AUH: variants seen among roughly 807,000 people sequenced by gnomAD.
AUH encodes AU RNA binding methylglutaconyl-CoA hydratase, also known as methylglutaconyl-CoA hydratase, mitochondrial.
AUH carries 29 observed loss-of-function variants against 42.3 expected under a neutral mutation model. The ratio of observed to expected loss-of-function variants is 0.69; its 90% CI spans 0.51 to 0.93. The LOEUF (loss-of-function observed/expected upper bound fraction) is 0.93, where lower values mean the gene tolerates loss of function less well. AUH is among the 40% of genes least tolerant of loss of function. The pLI, the probability that AUH is intolerant of heterozygous loss-of-function variation, is 0.00. For missense variants in AUH, 452 were observed against 438.1 expected (o/e 1.03, Z -0.28); for synonymous variants, 174 against 166.4 (o/e 1.05, Z -0.35).
At chr9:91,331,867 CAT>C (rs1279705850) in intron 3 of AUH, among the ~76,000 whole-genome samples, 3 of 152,320 alleles carry the variant, frequency 2.0e-5, no homozygotes, top group African/African-American at 7.2e-5. Context: ...CCCCACTAAC[CAT>C]ATGTCAATAA....
chr9:91,334,420 C>G lies in AUH; in HGVS notation c.419-9016G>C, dbSNP rs979656733. Among the ~76,000 whole-genome samples, 19 of 151,972 alleles carry G rather than the reference C, an allele frequency of 1.3e-4. No individual in the cohort carries two copies. The East Asian group carries it at 3.7e-3, about 29-fold the overall frequency. On this transcript the variant is annotated intron_variant, in intron 3 of 9. Transcript: ENST00000375731. ...AAAGGTGAAGGAGGAAGGAACTGGC[C>G]TCTATTTTCCGCCCCACTGCTAGAG...
At chr9:91,349,369 G>C (rs185224743) in intron 3 of AUH, among the ~76,000 whole-genome samples, 2 of 152,028 alleles carry the variant, frequency 1.3e-5, no homozygotes, top group Admixed American at 6.5e-5. Context: ...ATATATCTTA[G>C]GAAATTTCAA....
At chr9:91,252,731 A>G (rs1043084583) in intron 6 of AUH, among the ~76,000 whole-genome samples, 1 of 152,248 alleles carries the variant, frequency 6.6e-6, no homozygotes, top group Non-Finnish European at 1.5e-5. Flanking sequence ...GATATAATAC[A>G]TATTTTGACT....
intron 1 of AUH, among the ~76,000 whole-genome samples, chr9:91,359,693 C>T (rs182252602): frequency 1.5e-4 from 23 of 152,278 alleles, no homozygotes; most frequent in Non-Finnish European, 2.2e-4. Flanking sequence ...CTTACCCCCA[C>T]CCACCTAAAG....
chr9:91,255,736 A>G (rs1829372551), intron 6 of AUH, among the ~76,000 whole-genome samples: 3 of 152,198 alleles, frequency 2.0e-5, no homozygotes, highest in Admixed American at 1.3e-4. Flanking sequence ...ACAAGTTAGT[A>G]GTCATAAAAT....
rs16907384 is a variant in AUH, at chr9:91,325,511, T to C, written c.419-107A>G. 78,291 of 888,372 alleles carry C rather than the reference T, an allele frequency of 0.088. 4,850 individuals carry two copies. Among genetic ancestry groups the C allele is most frequent in the East Asian group, 0.25 (9,501 of 38,762 alleles). The allele number at this position is 888,372 out of a possible 1,614,324, so 55.0% of individuals were successfully genotyped here. A position where few individuals can be genotyped will look rare whatever the true frequency, so the allele number is the denominator to read the frequency against. Reference sequence around the variant, plus strand: ...GTATACAACTTCAAGATCAGCCTAATTCATCTTTTAATAGAATGACATTAC... The same window carrying C: ...GTATACAACTTCAAGATCAGCCTAACTCATCTTTTAATAGAATGACATTAC... On this transcript the variant is annotated intron_variant, in intron 3 of 9. Coordinates refer to ENST00000375731, the MANE Select transcript of AUH (RefSeq NM_001698.3).
intron 3 of AUH, among the ~76,000 whole-genome samples, chr9:91,345,666 T>C (rs1327764236): frequency 1.3e-5 from 2 of 151,670 alleles, no homozygotes; most frequent in Non-Finnish European, 2.9e-5. Context: ...ACCCCGTCTC[T>C]ACTAAAAATA....
chr9:91,357,911 T>C (rs1052969022), intron 1 of AUH, among the ~76,000 whole-genome samples: 21 of 152,288 alleles, frequency 1.4e-4, no homozygotes, highest in African/African-American at 4.6e-4. Flanking sequence ...CTAATAACCA[T>C]TGAAGGAGTT....
intron 7 of AUH, among the ~76,000 whole-genome samples, 197 bp from the exon 8 acceptor site, chr9:91,217,524 T>C (rs1826893929): frequency 6.6e-6 from 1 of 152,106 alleles, no homozygotes; most frequent in Admixed American, 6.5e-5. Flanking sequence ...CAGCACATTA[T>C]TTAGATTCCA....
At chr9:91,276,709 A>G in intron 6 of AUH, among the ~76,000 whole-genome samples, 1 of 152,206 alleles carries the variant, frequency 6.6e-6, no homozygotes, top group East Asian at 1.9e-4. Flanking sequence ...AAAAACATAA[A>G]CACTGAACTT....
At chr9:91,318,554 G>A (rs1450410608) in intron 4 of AUH, among the ~76,000 whole-genome samples, 1 of 152,044 alleles carries the variant, frequency 6.6e-6, no homozygotes, top group Non-Finnish European at 1.5e-5. Flanking sequence ...AAGCTTCAGG[G>A]GCCAAATCCT....
intron 3 of AUH, among the ~76,000 whole-genome samples, chr9:91,347,201 T>C (rs1203054844): frequency 1.5e-5 from 2 of 130,758 alleles, no homozygotes; most frequent in African/African-American, 5.4e-5. Context: ...CCACACCCAG[T>C]TAAGAGGGTT....
intron 6 of AUH, among the ~76,000 whole-genome samples, chr9:91,287,028 T>C (rs918590616): frequency 2.6e-5 from 4 of 152,086 alleles, no homozygotes; most frequent in African/African-American, 9.7e-5. Context: ...TGTGTGTAGA[T>C]ATATATAAAA....
chr9:91,277,013 T>TC (rs1825600249), intron 6 of AUH, among the ~76,000 whole-genome samples: 1 of 151,936 alleles, frequency 6.6e-6, no homozygotes, highest in African/African-American at 2.4e-5. Flanking sequence ...AGCAAGACAC[T>TC]CATCTCCACA....
chr9:91,240,291 C>T (rs966063741), intron 6 of AUH, among the ~76,000 whole-genome samples: 6 of 152,188 alleles, frequency 3.9e-5, no homozygotes, highest in Admixed American at 2.0e-4. Context: ...TGCACCCCTC[C>T]GCCTTTGAGT....
At chr9:91,307,904 T>C (rs968869609) in intron 4 of AUH, among the ~76,000 whole-genome samples, 1 of 151,776 alleles carries the variant, frequency 6.6e-6, no homozygotes, top group Non-Finnish European at 1.5e-5. Flanking sequence ...AAGAGAAAGG[T>C]GGGAAGGAAT....
intron 3 of AUH, among the ~76,000 whole-genome samples, chr9:91,350,480 C>T (rs963787544): frequency 1.3e-5 from 2 of 152,154 alleles, no homozygotes; most frequent in African/African-American, 2.4e-5. Flanking sequence ...TGTAATGGGT[C>T]GGGCACAGTG....
rs144315844 is a variant in AUH, at chr9:91,215,071, C to G, written c.943-646G>C. Reference sequence around the variant, plus strand: ...ACAGGTGGTGATTTATATATACAAGCTGGGCACAGAGTCACACTCTAGATA... The same window carrying G: ...ACAGGTGGTGATTTATATATACAAGGTGGGCACAGAGTCACACTCTAGATA... On this transcript the variant is annotated intron_variant, in intron 9 of 9. Transcript: ENST00000375731. Among the ~76,000 whole-genome samples, 312 of 152,282 alleles carry G rather than the reference C, an allele frequency of 2.0e-3. 2 individuals are homozygous for G. Among genetic ancestry groups the G allele is most frequent in the African/African-American group, 6.6e-3 (274 of 41,568 alleles).
intron 6 of AUH, among the ~76,000 whole-genome samples, chr9:91,291,697 AT>A (rs1478992777): frequency 5.3e-5 from 8 of 152,224 alleles, no homozygotes; most frequent in Admixed American, 1.3e-4. Context: ...TATGTTTTAA[AT>A]TTCTACCTAT....
Sources: gnomAD v4.1 joint callset for allele counts (sites outside exome capture counted in the v4.1 genomes callset) on GRCh38, gnomAD v4.1.1 for gene constraint, MANE v1.5 for transcripts, NCBI Gene and HGNC (gene_info 2026-07-23, HGNC 2026-07-21) for gene names.